Variants in WDR70 observed in about 807,000 individuals in gnomAD.
The protein encoded by WDR70 is WD repeat domain 70.
A neutral mutation model predicts 88.6 loss-of-function variants in WDR70; 53 were observed. The ratio of observed to expected loss-of-function variants is 0.60; its 90% CI spans 0.48 to 0.75. The LOEUF (loss-of-function observed/expected upper bound fraction) is 0.75. Among genes scored for constraint, WDR70 ranks in the 30% least tolerant of loss-of-function variants. The pLI is 0.00. For synonymous variants in WDR70, 280 were observed against 270.0 expected (o/e 1.04, Z -0.36); for missense variants, 610 against 823.2 (o/e 0.74, Z 3.17).
intron 9 of WDR70, among the ~76,000 whole-genome samples, chr5:37,575,970 T>C (rs552614924): frequency 6.6e-6 from 1 of 152,148 alleles, no homozygotes; most frequent in Non-Finnish European, 1.5e-5. Context: ...AATTTATTGT[T>C]GGTATGGAAA....
intron 10 of WDR70, among the ~76,000 whole-genome samples, chr5:37,656,691 T>A (rs748270988): frequency 6.6e-6 from 1 of 152,228 alleles, no homozygotes; most frequent in Non-Finnish European, 1.5e-5. Flanking sequence ...GCTGCTTTGC[T>A]GAGCTGTGGT....
At chr5:37,697,798 T>C in intron 11 of WDR70, 44 bp downstream of exon 11, 3 of 1,505,440 alleles carry the variant, frequency 2.0e-6, no homozygotes. Context: ...CTATATAAAA[T>C]AATCATCTTT....
At chr5:37,407,399 C>T (rs1749385690) in intron 5 of WDR70, among the ~76,000 whole-genome samples, 1 of 151,954 alleles carries the variant, frequency 6.6e-6, no homozygotes, top group Non-Finnish European at 1.5e-5. Context: ...TAGTGAGCAC[C>T]TGTGGTCCCA....
intron 9 of WDR70, among the ~76,000 whole-genome samples, chr5:37,555,127 T>C (rs988546461): frequency 6.6e-6 from 1 of 152,176 alleles, no homozygotes; most frequent in African/African-American, 2.4e-5. Context: ...TGGCAGCTGC[T>C]AGAATTGTAG....
intron 10 of WDR70, among the ~76,000 whole-genome samples, chr5:37,645,810 A>G (rs1055967613): frequency 4.0e-5 from 6 of 151,860 alleles, no homozygotes; most frequent in African/African-American, 1.5e-4. Flanking sequence ...TTTGGTTTCT[A>G]TTGGCATGGA....
At chr5:37,391,684 C>T (rs1748824174) in intron 3 of WDR70, among the ~76,000 whole-genome samples, 1 of 152,192 alleles carries the variant, frequency 6.6e-6, no homozygotes, top group South Asian at 2.1e-4. Flanking sequence ...ACTTTGGTTG[C>T]TTCTACATTT....
chr5:37,588,805 C>T (rs1743439230), intron 9 of WDR70, among the ~76,000 whole-genome samples: 1 of 151,448 alleles, frequency 6.6e-6, no homozygotes, highest in Non-Finnish European at 1.5e-5. Flanking sequence ...GTTCTGTCAC[C>T]CAGGTTAGAG....
chr5:37,449,019 T>G (rs1738581958), intron 7 of WDR70, among the ~76,000 whole-genome samples: 1 of 152,214 alleles, frequency 6.6e-6, no homozygotes, highest in African/African-American at 2.4e-5. Context: ...TTTTTTTAGG[T>G]TCTTCATGGT....
chr5:37,569,192 G>C (rs1467339499), intron 9 of WDR70, among the ~76,000 whole-genome samples: 2 of 152,188 alleles, frequency 1.3e-5, no homozygotes, highest in Non-Finnish European at 2.9e-5. Context: ...CTGACTTGTA[G>C]AGTTAAGAGC....
chr5:37,642,396 T>A (rs975248810), intron 10 of WDR70, among the ~76,000 whole-genome samples: 6 of 152,206 alleles, frequency 3.9e-5, no homozygotes, highest in East Asian at 3.8e-4. Flanking sequence ...TACATATTTT[T>A]AAAATGTTTT....
At position 37,443,341 on chromosome 5, in the gene WDR70, A is replaced by G. The variant is rs1406001763; in HGVS notation, c.655A>G (p.Lys219Glu). Residue 219 changes from lysine to glutamate, a missense_variant, in exon 7 of 18, where the codon AAG (lysine) becomes GAG (glutamate). By Grantham distance (56) the Lys-to-Glu change is moderately conservative (BLOSUM62 1). Transcript: ENST00000265107. Reference protein sequence around the residue: ...WDFAGMDASFKAFRSLQPCEC... With the variant: ...WDFAGMDASFEAFRSLQPCEC... ...TTTTGCTGGAATGGATGCTTCTTTTAAGGCATTTCGATCCCTTCAGCCCTG... is the reference window on the plus strand; with the variant it reads ...TTTTGCTGGAATGGATGCTTCTTTTGAGGCATTTCGATCCCTTCAGCCCTG... 1 of 1,613,808 alleles carries G rather than the reference A, an allele frequency of 6.2e-7. No individual in the cohort carries two copies. The highest frequency in any genetic ancestry group is 8.5e-7 in the Non-Finnish European group (1 of 1,179,858).
At chr5:37,722,719 C>T in intron 14 of WDR70, 136 bp from the exon 15 acceptor site, 2 of 726,510 alleles carry the variant, frequency 2.8e-6, no homozygotes, top group South Asian at 1.7e-5. Context: ...CTGTTGCCAT[C>T]CCTCAGAAAG....
chr5:37,452,620 A>C (rs538539235), intron 7 of WDR70, among the ~76,000 whole-genome samples: 1 of 152,346 alleles, frequency 6.6e-6, no homozygotes, highest in Admixed American at 6.5e-5. Context: ...GTGAGAATCC[A>C]CACATGCCTA....
intron 9 of WDR70, among the ~76,000 whole-genome samples, chr5:37,527,728 A>G (rs1227861534): frequency 2.6e-5 from 4 of 152,148 alleles, no homozygotes; most frequent in Non-Finnish European, 5.9e-5. Flanking sequence ...TTTGCAATCT[A>G]CTCATCTGAC....
intron 7 of WDR70, among the ~76,000 whole-genome samples, chr5:37,468,925 G>C (rs910228955): frequency 1.1e-4 from 16 of 152,124 alleles, no homozygotes; most frequent in African/African-American, 3.4e-4. Flanking sequence ...TTTTATATCA[G>C]GGACTTGAGT....
chr5:37,686,432 C>T (rs1203248607), intron 10 of WDR70, among the ~76,000 whole-genome samples: 3 of 151,756 alleles, frequency 2.0e-5, no homozygotes, highest in Admixed American at 6.6e-5. Flanking sequence ...AACCAGGACC[C>T]ATGAGTAGTT....
At chr5:37,386,918 T>C (rs1290938426) in intron 3 of WDR70, among the ~76,000 whole-genome samples, 2 of 151,980 alleles carry the variant, frequency 1.3e-5, no homozygotes, top group Non-Finnish European at 2.9e-5. Flanking sequence ...GCCAACGGGA[T>C]GAAACCCTGT....
intron 4 of WDR70, among the ~76,000 whole-genome samples, chr5:37,393,607 A>AC (rs1243300160): frequency 1.3e-5 from 2 of 151,706 alleles, no homozygotes; most frequent in African/African-American, 4.8e-5. Flanking sequence ...TTTTTTATTG[A>AC]CCCTTTGGTC....
intron 10 of WDR70, among the ~76,000 whole-genome samples, chr5:37,676,314 G>C (rs1387128187): frequency 2.0e-5 from 3 of 151,856 alleles, no homozygotes; most frequent in Admixed American, 6.6e-5. Context: ...TCTTGTGCCA[G>C]TTTTCAAAGG....
Sources: allele counts gnomAD v4.1 joint callset (sites outside exome capture counted in the v4.1 genomes callset), GRCh38; gene constraint gnomAD v4.1.1; transcripts MANE v1.5; gene names NCBI Gene and HGNC (gene_info 2026-07-23, HGNC 2026-07-21).